Variants in HHAT observed in about 807,000 individuals in gnomAD.
The protein encoded by HHAT is hedgehog acyltransferase.
Under a neutral mutation model 70.8 loss-of-function variants are expected in HHAT, and 47 were observed. The observed-to-expected ratio is 0.66, with a 90% confidence interval of 0.53 to 0.85. The LOEUF (loss-of-function observed/expected upper bound fraction) is 0.85, where lower values mean the gene tolerates loss of function less well. Ranked by LOEUF, HHAT falls within the 40% of genes least tolerant of loss-of-function variation. The probability of loss-of-function intolerance (pLI) is 0.00; values close to 1 mark genes in which losing one functional copy is unlikely to be tolerated. For missense variants in HHAT, 609 were observed against 604.8 expected, an observed-to-expected ratio of 1.01 and a Z score of -0.07; for synonymous variants, 228 against 247.6, an observed-to-expected ratio of 0.92 and a Z score of 0.74.
In HHAT at chr1:210,547,544, A is replaced by G. The variant is rs2095494175; in HGVS notation, c.1043+34356A>G. The stretch of plus-strand genomic sequence containing the variant: ...GTTGTGATGAGGGCATATTTATTTT[A>G]TCTGCGTATTAAGGCAGGTCCCAAA... On this transcript the variant is annotated intron_variant, in intron 9 of 11. Coordinates refer to ENST00000261458, the MANE Select transcript of HHAT (RefSeq NM_018194.6). Among the ~76,000 whole-genome samples, 4 of 152,278 alleles carry G rather than the reference A, an allele frequency of 2.6e-5. No homozygotes were observed. In the South Asian group the frequency reaches 8.3e-4, roughly 32 times the overall value.
At chr1:210,595,955 A>G (rs2148809624) in intron 10 of HHAT, among the ~76,000 whole-genome samples, 1 of 152,278 alleles carries the variant, frequency 6.6e-6, no homozygotes, top group African/African-American at 2.4e-5. Flanking sequence ...TTTGCTGTGC[A>G]GAAGCTCTTG....
At chr1:210,645,165 C>T (rs372211390) in intron 11 of HHAT, among the ~76,000 whole-genome samples, 145 of 152,274 alleles carry the variant, frequency 9.5e-4, no homozygotes, top group African/African-American at 3.4e-3. Context: ...CCCAGCCTAG[C>T]GGACGGGACA....
intron 11 of HHAT, among the ~76,000 whole-genome samples, chr1:210,666,994 G>A (rs1679030290): frequency 1.3e-5 from 2 of 151,818 alleles, no homozygotes; most frequent in Admixed American, 1.3e-4. Context: ...GCAGGAGAAC[G>A]GCGTGAACCC....
chr1:210,352,952 A>T (rs1049805115), intron 2 of HHAT, among the ~76,000 whole-genome samples: 4 of 149,338 alleles, frequency 2.7e-5, no homozygotes, highest in African/African-American at 9.9e-5. Flanking sequence ...TTTTTTTAAT[A>T]AGAGATGGAG....
chr1:210,587,877 A>G (rs1041100463), intron 9 of HHAT, 21 bp from the exon 10 acceptor site: 1 of 1,605,166 alleles, frequency 6.2e-7, no homozygotes, highest in Non-Finnish European at 8.5e-7. Flanking sequence ...TATGTCTCCT[A>G]ACAGCCTCTT....
intron 10 of HHAT, among the ~76,000 whole-genome samples, chr1:210,598,190 G>A (rs773078119): frequency 4.0e-5 from 6 of 151,828 alleles, no homozygotes; most frequent in African/African-American, 1.5e-4. Flanking sequence ...GGCTGAGCAC[G>A]TATCCAAATT....
Position 210,344,897 on chromosome 1 carries a change from G to A in HHAT, c.-43-4036G>A, listed in dbSNP as rs369447678. On this transcript the variant is annotated intron_variant, in intron 1 of 11. Transcript: ENST00000261458. ...GAGCAACAATTCAAGACGAGTCATC[G>A]GAACAAGTCATGCCGGCATCGGAAC... Among the ~76,000 whole-genome samples, 20 of 11,798 alleles carry A rather than the reference G, an allele frequency of 1.7e-3. No individual in the cohort carries two copies. In the East Asian group the frequency reaches 0.021, roughly 12 times the overall value. The allele number at this position is 11,798 out of a possible 152,430, so 7.7% of individuals were successfully genotyped here. A position where few individuals can be genotyped will look rare whatever the true frequency, so the allele number is the denominator to read the frequency against.
chr1:210,424,606 C>T (rs2357588), intron 7 of HHAT, among the ~76,000 whole-genome samples: 66,300 of 151,144 alleles, frequency 0.44, 14,702 homozygotes, highest in Admixed American at 0.53. Flanking sequence ...CCCTCCACCC[C>T]GTGATAGGCC....
At chr1:210,598,778 C>G (rs542292976) in intron 10 of HHAT, among the ~76,000 whole-genome samples, 1 of 152,318 alleles carries the variant, frequency 6.6e-6, no homozygotes, top group South Asian at 2.1e-4. Flanking sequence ...AAAGTTAAAA[C>G]CAGGTACTGT....
intron 11 of HHAT, among the ~76,000 whole-genome samples, chr1:210,664,360 T>C (rs148764659): frequency 6.6e-6 from 1 of 152,300 alleles, no homozygotes; most frequent in African/African-American, 2.4e-5. Flanking sequence ...CCCTATCAGA[T>C]CTGAACATGG....
chr1:210,399,502 C>T (rs1456225991), intron 4 of HHAT, among the ~76,000 whole-genome samples: 2 of 152,132 alleles, frequency 1.3e-5, no homozygotes, highest in African/African-American at 4.8e-5. Context: ...GATGCACCTG[C>T]CTCGGCCTCC....
intron 10 of HHAT, among the ~76,000 whole-genome samples, chr1:210,594,231 TCTC>T (rs1462529841): frequency 2.6e-5 from 4 of 152,166 alleles, no homozygotes; most frequent in Non-Finnish European, 4.4e-5. Context: ...TTTATGGTCT[TCTC>T]CTTCTTTCCC....
intron 8 of HHAT, among the ~76,000 whole-genome samples, chr1:210,509,990 G>A (rs562465582): frequency 6.6e-6 from 1 of 152,166 alleles, no homozygotes; most frequent in Non-Finnish European, 1.5e-5. Context: ...TATTTTCAAA[G>A]CCCTAAGATG....
chr1:210,535,106 C>G (rs1197131775), intron 9 of HHAT, among the ~76,000 whole-genome samples: 1 of 152,148 alleles, frequency 6.6e-6, no homozygotes, highest in African/African-American at 2.4e-5. Context: ...CAGGGAGGAG[C>G]ACAGAGGCCT....
chr1:210,333,147 CCAGG>C (rs1176614564), intron 1 of HHAT, among the ~76,000 whole-genome samples: 1 of 152,178 alleles, frequency 6.6e-6, no homozygotes, highest in Non-Finnish European at 1.5e-5. Context: ...AAGCCTGCCA[CCAGG>C]CAGCATTAAG....
At position 210,585,405 on chromosome 1, in the gene HHAT, C is replaced by T. The variant is rs532591913; in HGVS notation, c.1044-2493C>T. ...TGTTGTAATAGGGGAAAAGAGACCT[C>T]AGTATGGAACTGGACTCTTTTTTTT... On this transcript the variant is annotated intron_variant, in intron 9 of 11. Coordinates refer to ENST00000261458, the MANE Select transcript of HHAT (RefSeq NM_018194.6). Among the ~76,000 whole-genome samples the T allele has an allele frequency of 2.6e-5, 4 of 152,170 alleles. No individual in the cohort carries two copies. The East Asian group carries it at 7.7e-4, about 29-fold the overall frequency.
intron 2 of HHAT, among the ~76,000 whole-genome samples, chr1:210,357,946 A>G (rs937907176): frequency 1.3e-5 from 2 of 152,208 alleles, no homozygotes; most frequent in Non-Finnish European, 2.9e-5. Context: ...GCCTTTTGTT[A>G]TAGGGGCCTC....
At chr1:210,500,373 T>C (rs2094729592) in intron 8 of HHAT, among the ~76,000 whole-genome samples, 1 of 152,232 alleles carries the variant, frequency 6.6e-6, no homozygotes, top group African/African-American at 2.4e-5. Context: ...ATATTAGTTT[T>C]GTGTTGAATT....
chr1:210,435,551 G>A (rs1268334855), intron 7 of HHAT, among the ~76,000 whole-genome samples: 1 of 151,682 alleles, frequency 6.6e-6, no homozygotes, highest in African/African-American at 2.4e-5. Flanking sequence ...TTTTTATACT[G>A]TTTTTCATAG....
Sources: gnomAD v4.1 joint callset for allele counts (sites outside exome capture counted in the v4.1 genomes callset) on GRCh38, gnomAD v4.1.1 for gene constraint, MANE v1.5 for transcripts, NCBI Gene and HGNC (gene_info 2026-07-23, HGNC 2026-07-21) for gene names.